The following MED1 variants were observed in gnomAD, a reference collection of about 807,000 sequenced individuals.
MED1 encodes the protein mediator of RNA polymerase II transcription subunit 1.
Under a neutral mutation model 121.3 loss-of-function variants are expected in MED1, and 17 were observed. That is an observed-to-expected ratio of 0.14 (90% CI 0.10 to 0.21). The LOEUF is 0.21. Ranked by LOEUF, MED1 falls within the 10% of genes least tolerant of loss-of-function variation. MED1 has a pLI of 1.00. For synonymous variants in MED1, 661 were observed against 694.4 expected, an observed-to-expected ratio of 0.95 and a Z score of 0.76; for missense variants, 1,558 against 1,919.4, an observed-to-expected ratio of 0.81 and a Z score of 3.52.
Position 39,427,809 on chromosome 17 carries a change from A to C in MED1, c.650-19T>G, listed in dbSNP as rs372779808. On this transcript the variant is annotated intron_variant, in intron 9 of 16. Transcript: ENST00000300651. ...AAATGACCTATAAAAAATAAAACTC[A>C]TAACTGTATCTTTATCAGGTAAATT... 3 of 1,427,412 alleles carry C rather than the reference A, an allele frequency of 2.1e-6. No individual in the cohort carries two copies. Among genetic ancestry groups the C allele is most frequent in the African/African-American group, 1.4e-5 (1 of 70,590 alleles). The allele number at this position is 1,427,412 out of a possible 1,614,324, so 88.4% of individuals were successfully genotyped here.
At position 39,408,209 on chromosome 17, in the gene MED1, G is replaced by T; in HGVS notation, c.4012C>A (p.His1338Asn). 6.2e-7 allele frequency: 1 copy of T among 1,614,042 alleles called. No homozygotes were observed. The highest frequency in any genetic ancestry group is 8.5e-7 in the Non-Finnish European group (1 of 1,180,036). Residue 1338 changes from histidine (H) to asparagine (N), a missense_variant, in exon 17 of 17, where the codon CAT (histidine) becomes AAT (asparagine). This residue lies in a region of MED1 where 264 missense variants were observed against 326.1 expected (regional missense o/e 0.81). Transcript: ENST00000300651. This position sits in a 1 kb window ranked among gnomAD's most constrained non-coding sequence, Gnocchi z 4.7. ...ATGTTATGTTTGGAGGACATAGGAT[G>T]GCTGGAAGAATTTGTGCTCACCCCC... The part of the protein sequence containing the change: ...QMGVSTNSSS[H>N]PMSSKHNMSG...
At chr17:39,447,969 G>T in intron 1 of MED1, 65 bp from the exon 2 acceptor site, 1 of 1,094,252 alleles carries the variant, frequency 9.1e-7, no homozygotes, top group Non-Finnish European at 1.4e-6. Flanking sequence ...AGTTTTCCTT[G>T]CAAAATAAAT....
intron 3 of MED1, among the ~76,000 whole-genome samples, chr17:39,442,418 A>T (rs1567653156): frequency 6.6e-6 from 1 of 151,696 alleles, no homozygotes; most frequent in Non-Finnish European, 1.5e-5. Context: ...TAACACGGTG[A>T]AACCCCATCT....
At chr17:39,411,212 G>A (rs971681569) in intron 16 of MED1, among the ~76,000 whole-genome samples, 12 of 151,926 alleles carry the variant, frequency 7.9e-5, no homozygotes, top group African/African-American at 2.9e-4. Flanking sequence ...CCAGCTACTC[G>A]GGAGGTTGAG....
intron 16 of MED1, among the ~76,000 whole-genome samples, chr17:39,413,162 C>T (rs532870883): frequency 2.8e-3 from 429 of 152,102 alleles, no homozygotes; most frequent in Non-Finnish European, 5.3e-3. Context: ...GCAGCCTCCG[C>T]CTCCCAGGTT....
Position 39,410,355 on chromosome 17 carries a change from C to T in MED1, c.1866G>A (p.Pro622=), listed in dbSNP as rs1445715539. The T allele has an allele frequency of 8.7e-6, 14 of 1,613,672 alleles. No homozygotes were observed. Among genetic ancestry groups the T allele is most frequent in the South Asian group, 3.3e-5 (3 of 91,002 alleles). Residue 622 remains proline, a synonymous_variant, in exon 17 of 17, where the codon CCG becomes CCA. Transcript: ENST00000300651. ...GNGGSTIGSS[P]TPPHHTPPPV... Reference sequence around the variant, plus strand: ...GTGGCGGCGTGTGATGAGGAGGGGTCGGACTCGAGCCAATGGTAGACCCCC... The same window carrying T: ...GTGGCGGCGTGTGATGAGGAGGGGTTGGACTCGAGCCAATGGTAGACCCCC...
In MED1 at chr17:39,408,198, G is replaced by A. The variant is rs2048321906; in HGVS notation, c.4023C>T (p.Ser1341=). The change falls in exon 17 of 17, where the codon TCC becomes TCT. Residue 1341 remains serine (S), a synonymous_variant. Coordinates refer to ENST00000300651, the MANE Select transcript of MED1 (RefSeq NM_004774.4). The surrounding 1 kb of genome is among the most constrained non-coding windows in gnomAD (Gnocchi z 4.7). ...CTCCTCCTGACATGTTATGTTTGGA[G>A]GACATAGGATGGCTGGAAGAATTTG... ...VSTNSSSHPM[S]SKHNMSGGEF... 2 of 1,614,052 alleles carry A rather than the reference G, an allele frequency of 1.2e-6. No individual in the cohort carries two copies. The highest frequency in any genetic ancestry group is 1.7e-5 in the Admixed American group (1 of 60,010).
At chr17:39,432,614 C>T (rs900100299) in intron 7 of MED1, among the ~76,000 whole-genome samples, 4 of 150,666 alleles carry the variant, frequency 2.7e-5, no homozygotes, top group Non-Finnish European at 4.4e-5. Context: ...ATTAGCCAGG[C>T]GTGGCAGCAT....
chr17:39,449,896 C>T (rs568623470), intron 1 of MED1, among the ~76,000 whole-genome samples: 1 of 149,010 alleles, frequency 6.7e-6, no homozygotes, highest in African/African-American at 2.5e-5. Context: ...CTCACCACAA[C>T]CTCCACCTCC....
chr17:39,407,426 T>C lies in MED1; in HGVS notation c.*49A>G. 3 of 1,542,842 alleles carry C rather than the reference T, an allele frequency of 1.9e-6. No homozygotes were observed. Among genetic ancestry groups the C allele is most frequent in the Non-Finnish European group, 1.7e-6 (2 of 1,148,830 alleles). ...TTATGGTGGTTTGCCTATAAACTTA[T>C]CAATAGTTTTTTTTCCTCTGGCCCT... On this transcript the variant is annotated 3_prime_UTR_variant, in exon 17 of 17. Transcript: ENST00000300651.
At chr17:39,419,954 T>C in intron 13 of MED1, 36 bp from the exon 14 acceptor site, 1 of 1,583,898 alleles carries the variant, frequency 6.3e-7, no homozygotes, top group Non-Finnish European at 8.7e-7. Context: ...TGCTATTTAG[T>C]TACCTATTGT....
intron 3 of MED1, among the ~76,000 whole-genome samples, chr17:39,441,567 C>G (rs1415305033): frequency 1.3e-5 from 2 of 152,128 alleles, no homozygotes; most frequent in African/African-American, 4.8e-5. Flanking sequence ...GTCAGGGGTT[C>G]AAGACCAGCC....
chr17:39,445,739 T>G (rs1053522122), intron 2 of MED1, among the ~76,000 whole-genome samples: 1 of 151,942 alleles, frequency 6.6e-6, no homozygotes, highest in Non-Finnish European at 1.5e-5. Context: ...GGAATAAAAA[T>G]GACAACCTGG....
In MED1 at chr17:39,405,429, C is replaced by G; in HGVS notation, c.*2046G>C. The G allele has an allele frequency of 7.2e-7, 1 of 1,394,774 alleles. No homozygotes were observed. Among genetic ancestry groups the G allele is most frequent in the South Asian group, 1.7e-5 (1 of 57,518 alleles). 86.4% of individuals were successfully genotyped at this position (1,394,774 alleles called of 1,614,324 possible). ...AGTACATTCCCCCTAAGATTCTCCC[C>G]ACTCAGAACAAATTTTAAAAACCAC... On this transcript the variant is annotated 3_prime_UTR_variant, in exon 17 of 17. Coordinates refer to ENST00000300651, the MANE Select transcript of MED1 (RefSeq NM_004774.4).
intron 7 of MED1, among the ~76,000 whole-genome samples, chr17:39,433,500 A>G (rs1253710682): frequency 2.6e-5 from 4 of 151,128 alleles, no homozygotes; most frequent in Admixed American, 2.0e-4. Context: ...CTAAAACATT[A>G]ATTTTTAAAA....
At chr17:39,423,010 C>A (rs2048482020) in intron 13 of MED1, among the ~76,000 whole-genome samples, 1 of 151,468 alleles carries the variant, frequency 6.6e-6, no homozygotes. Context: ...GGATTACAGG[C>A]ACCCGCCACC....
intron 16 of MED1, among the ~76,000 whole-genome samples, chr17:39,414,814 T>C (rs1034433686): frequency 2.0e-5 from 3 of 151,854 alleles, no homozygotes; most frequent in East Asian, 3.9e-4. Flanking sequence ...GTACTACATG[T>C]GCCCGCCATC....
intron 2 of MED1, among the ~76,000 whole-genome samples, chr17:39,445,258 A>G (rs1015109874): frequency 5.3e-5 from 8 of 151,370 alleles, no homozygotes; most frequent in Non-Finnish European, 7.4e-5. Context: ...CGATGCCCAG[A>G]CTGGAGTGCA....
At position 39,409,595 on chromosome 17, in the gene MED1, T is replaced by C. The variant is rs770149054; in HGVS notation, c.2626A>G (p.Ser876Gly). The change falls in exon 17 of 17, where the codon AGT (serine) becomes GGT (glycine). Residue 876 changes from serine (S) to glycine (G), a missense_variant. Physicochemically the swap from Ser to Gly is moderately conservative, Grantham distance 56. This residue lies in a region of MED1 where 793 missense variants were observed against 898.2 expected (regional missense o/e 0.88). Transcript: ENST00000300651. ...NPDLLNSQSQ[S>G]GFGEEYFDES... ...TCAAAATATTCTTCTCCAAAACCAC[T>C]TTGGCTCTGGCTGTTCAATAAATCA... The C allele has an allele frequency of 1.9e-6, 3 of 1,614,150 alleles. No individual in the cohort carries two copies. Among genetic ancestry groups the C allele is most frequent in the Non-Finnish European group, 2.5e-6 (3 of 1,180,042 alleles).
Sources: allele counts gnomAD v4.1 joint callset (sites outside exome capture counted in the v4.1 genomes callset), GRCh38; gene constraint gnomAD v4.1.1; regional missense constraint gnomAD v4.1.1; non-coding constraint Gnocchi (gnomAD v3.1); transcripts MANE v1.5; gene names NCBI Gene and HGNC (gene_info 2026-07-23, HGNC 2026-07-21).